TBC1D1: variants seen among roughly 807,000 people sequenced by gnomAD.
TBC1D1 encodes the protein TBC1 domain family member 1.
A neutral mutation model predicts 125.6 loss-of-function variants in TBC1D1; 89 were observed. That is an observed-to-expected ratio of 0.71 (90% CI 0.60 to 0.85). TBC1D1 has a LOEUF of 0.85. TBC1D1 is among the 40% of genes least tolerant of loss of function. The pLI, the probability that TBC1D1 is intolerant of heterozygous loss-of-function variation, is 0.00. For synonymous variants in TBC1D1, 565 were observed against 564.1 expected (o/e 1.00, Z -0.02); for missense variants, 1,377 against 1,469.2 (o/e 0.94, Z 1.03).
At chr4:38,076,407 T>A (rs1040156209) in intron 12 of TBC1D1, among the ~76,000 whole-genome samples, 1 of 152,092 alleles carries the variant, frequency 6.6e-6, no homozygotes, top group African/African-American at 2.4e-5. Context: ...CAAACCACAT[T>A]AAATCCCAAG....
At chr4:37,966,421 G>A (rs182945118) in intron 2 of TBC1D1, among the ~76,000 whole-genome samples, 200 of 152,280 alleles carry the variant, frequency 1.3e-3, no homozygotes, top group African/African-American at 4.2e-3. Context: ...ACTTAGAAGC[G>A]TTTAAAAAAC....
At chr4:37,965,820 G>A (rs1377064482) in intron 2 of TBC1D1, among the ~76,000 whole-genome samples, 1 of 151,674 alleles carries the variant, frequency 6.6e-6, no homozygotes, top group Non-Finnish European at 1.5e-5. Context: ...GCACAATTTC[G>A]GCTCACTACA....
Position 38,044,381 on chromosome 4 carries a change from A to G in TBC1D1, c.1433A>G (p.Glu478Gly), listed in dbSNP as rs1321023694. Reference sequence around the variant, plus strand: ...TTTTAGACATCGCAGATGGCAGCAGAGAATATTGGAAGTGAATTACCACCC... The same window carrying G: ...TTTTAGACATCGCAGATGGCAGCAGGGAATATTGGAAGTGAATTACCACCC... Residue 478 changes from glutamate to glycine, a missense_variant, in exon 9 of 20, where the codon GAG (glutamate) becomes GGG (glycine). By Grantham distance (98) the Glu-to-Gly change is moderately conservative. Coordinates refer to ENST00000261439, the MANE Select transcript of TBC1D1 (RefSeq NM_015173.4). 1 of 1,606,380 alleles carries G rather than the reference A, an allele frequency of 6.2e-7. No individual in the cohort carries two copies. Among genetic ancestry groups the G allele is most frequent in the South Asian group, 1.1e-5 (1 of 88,830 alleles).
intron 12 of TBC1D1, among the ~76,000 whole-genome samples, chr4:38,064,884 A>G (rs1421746948): frequency 6.6e-6 from 1 of 150,694 alleles, no homozygotes; most frequent in African/African-American, 2.4e-5. Flanking sequence ...CGGCCTCCCA[A>G]AAAGTGCTGG....
rs1490512988 is a variant in TBC1D1, at chr4:38,014,726, C to T, written c.635C>T (p.Pro212Leu). The T allele has an allele frequency of 2.5e-6, 4 of 1,606,638 alleles. No homozygotes were observed. Among genetic ancestry groups the T allele is most frequent in the South Asian group, 1.1e-5 (1 of 90,930 alleles). ...AGCGGCAGCCGGGGGTCCGAGAGCC[C>T]CCGCCCCAACCCGCCCCATGCCGCG... is the stretch of plus-strand genomic sequence containing the variant. The change falls in exon 3 of 20, where the codon CCC (proline) becomes CTC (leucine). Residue 212 changes from proline (P) to leucine (L), a missense_variant. Coordinates refer to ENST00000261439, the MANE Select transcript of TBC1D1 (RefSeq NM_015173.4). The surrounding 1 kb of genome is among the most constrained non-coding windows in gnomAD (Gnocchi z 5.1).
intron 2 of TBC1D1, among the ~76,000 whole-genome samples, chr4:37,975,339 C>T (rs986475777): frequency 1.5e-4 from 23 of 152,298 alleles, no homozygotes; most frequent in Non-Finnish European, 4.4e-5. Context: ...ATCTAAAAGG[C>T]AGAACCAGGT....
At chr4:37,918,015 A>G (rs1720091828) in intron 2 of TBC1D1, among the ~76,000 whole-genome samples, 1 of 152,178 alleles carries the variant, frequency 6.6e-6, no homozygotes, top group South Asian at 2.1e-4. Context: ...TGCTACTTCC[A>G]TGATGTTAAA....
chr4:38,079,911 C>T (rs991778402), intron 12 of TBC1D1, among the ~76,000 whole-genome samples: 1 of 152,162 alleles, frequency 6.6e-6, no homozygotes, highest in Non-Finnish European at 1.5e-5. Flanking sequence ...AAGTAAGTGG[C>T]TAAAAAAGTG....
At chr4:37,963,779 T>TTTATTATTAATAA (rs1730520031) in intron 2 of TBC1D1, among the ~76,000 whole-genome samples, 2 of 152,226 alleles carry the variant, frequency 1.3e-5, no homozygotes, top group Non-Finnish European at 2.9e-5. Flanking sequence ...TAATAATTTT[T>TTTATTATTAATAA]AAGATCCTAA....
intron 19 of TBC1D1, among the ~76,000 whole-genome samples, chr4:38,136,729 C>T (rs945900041): frequency 6.6e-6 from 1 of 152,190 alleles, no homozygotes; most frequent in African/African-American, 2.4e-5. Context: ...ACTTACAAGT[C>T]TCCGAGGCTT....
chr4:38,015,887 G>A (rs1742612113), intron 3 of TBC1D1, among the ~76,000 whole-genome samples: 1 of 152,136 alleles, frequency 6.6e-6, no homozygotes, highest in South Asian at 2.1e-4. Flanking sequence ...AAATAGGGCT[G>A]ATGTTTTCAT....
chr4:38,065,843 T>G (rs1753635708), intron 12 of TBC1D1, among the ~76,000 whole-genome samples: 1 of 152,088 alleles, frequency 6.6e-6, no homozygotes, highest in Non-Finnish European at 1.5e-5. Context: ...AGAGACAGGG[T>G]TTCGCCATGT....
chr4:37,957,866 T>C (rs1019006894), intron 2 of TBC1D1, among the ~76,000 whole-genome samples: 8 of 152,238 alleles, frequency 5.3e-5, no homozygotes, highest in African/African-American at 1.7e-4. Context: ...CCTTTTATTC[T>C]TCCATTTATA....
intron 12 of TBC1D1, among the ~76,000 whole-genome samples, 159 bp downstream of exon 14, chr4:38,054,497 C>T (rs1751320521): frequency 6.6e-6 from 1 of 152,120 alleles, no homozygotes; most frequent in African/African-American, 2.4e-5. Flanking sequence ...TAGAGGTTAC[C>T]CTCCATTTCT....
At chr4:38,054,172 C>A in intron 11 of TBC1D1, 27 bp from the exon 14 acceptor site, 1 of 1,609,686 alleles carries the variant, frequency 6.2e-7, no homozygotes, top group South Asian at 1.1e-5. Context: ...CCCCACTAGT[C>A]ATAAATCAAT....
At chr4:38,098,621 T>C (rs1759778832) in intron 14 of TBC1D1, among the ~76,000 whole-genome samples, 1 of 152,240 alleles carries the variant, frequency 6.6e-6, no homozygotes, top group African/African-American at 2.4e-5. Flanking sequence ...GCTCTAACCA[T>C]AAAGGGGGCT....
intron 9 of TBC1D1, among the ~76,000 whole-genome samples, chr4:38,045,605 C>T (rs1229165280): frequency 6.6e-6 from 1 of 152,130 alleles, no homozygotes; most frequent in Non-Finnish European, 1.5e-5. Context: ...ACTTAGCCAC[C>T]AGGTGTTTTG....
intron 15 of TBC1D1, among the ~76,000 whole-genome samples, chr4:38,109,835 C>A (rs533444523): frequency 6.6e-6 from 1 of 152,190 alleles, no homozygotes; most frequent in Non-Finnish European, 1.5e-5. Context: ...TTTGTATCCT[C>A]AGTGTCTCAT....
rs113889275 is a variant in TBC1D1 at position 37,988,766 on chromosome 4, G to T, written c.418-25743G>T. ...AAACAAAATTTGAAGCACCCCAACT[G>T]ACCGATGGACCGCCCCCTCCTCAGT... is the stretch of plus-strand genomic sequence containing the variant. On this transcript the variant is annotated intron_variant, in intron 2 of 19. Transcript: ENST00000261439. Among the ~76,000 whole-genome samples, 262 of 152,230 alleles carry T rather than the reference G, an allele frequency of 1.7e-3. 1 individual carries two copies. The highest frequency in any genetic ancestry group is 5.9e-3 in the African/African-American group (246 of 41,528).
Sources: allele counts gnomAD v4.1 joint callset (sites outside exome capture counted in the v4.1 genomes callset), GRCh38; gene constraint gnomAD v4.1.1; non-coding constraint Gnocchi (gnomAD v3.1); transcripts MANE v1.5; gene names NCBI Gene and HGNC (gene_info 2026-07-23, HGNC 2026-07-21).